Variants in ZCWPW2 observed in about 807,000 individuals in gnomAD.
The protein encoded by ZCWPW2 is zinc finger CW-type and PWWP domain containing 2, also known as zinc finger CW-type PWWP domain protein 2.
In ZCWPW2, 45 loss-of-function variants were observed where a neutral mutation model predicts 46.6. That is an observed-to-expected ratio of 0.96 (90% CI 0.76 to 1.24). The LOEUF is 1.24. Ranked by LOEUF, ZCWPW2 falls within the 50% of genes most tolerant of loss-of-function variation. The pLI, the probability that ZCWPW2 is intolerant of heterozygous loss-of-function variation, is 0.00. For missense variants in ZCWPW2, 429 were observed against 403.9 expected (o/e 1.06, Z -0.53); for synonymous variants, 152 against 137.1 (o/e 1.11, Z -0.76).
intron 1 of ZCWPW2, among the ~76,000 whole-genome samples, chr3:28,366,849 A>G (rs892387715): frequency 2.0e-5 from 3 of 152,180 alleles, no homozygotes; most frequent in Non-Finnish European, 4.4e-5. Flanking sequence ...CAGGGATTCA[A>G]CTTCTTCCTG....
chr3:28,448,050 A>G lies in ZCWPW2; in HGVS notation c.492+12781A>G. 5 of 340,172 alleles carry G rather than the reference A, an allele frequency of 1.5e-5. No homozygotes were observed. The South Asian group carries it at 2.6e-4, about 18-fold the overall frequency. The allele number at this position is 340,172 out of a possible 1,614,324, so 21.1% of individuals were successfully genotyped here. On this transcript the variant is annotated intron_variant, in intron 4 of 9. Transcript: ENST00000383768. ...AAATTGTTGTGAAATTGTTTAAGGT[A>G]CAAACACAGAGTCAGAAAGCTAAAT...
At chr3:28,391,017 A>G (rs947480689) in intron 2 of ZCWPW2, among the ~76,000 whole-genome samples, 3 of 152,214 alleles carry the variant, frequency 2.0e-5, no homozygotes, top group Admixed American at 2.0e-4. Flanking sequence ...GGCCCCAGAT[A>G]GGGATTGAAG....
At chr3:28,434,265 G>A (rs1697392621) in intron 3 of ZCWPW2, among the ~76,000 whole-genome samples, 1 of 152,018 alleles carries the variant, frequency 6.6e-6, no homozygotes, top group Non-Finnish European at 1.5e-5. Context: ...TTCCTGTTCA[G>A]ACTCCATATA....
At chr3:28,353,643 C>G (rs1179308153) in intron 1 of ZCWPW2, among the ~76,000 whole-genome samples, 2 of 152,184 alleles carry the variant, frequency 1.3e-5, no homozygotes, top group Non-Finnish European at 2.9e-5. Flanking sequence ...AAAATGTTTG[C>G]ATTCAATAGG....
At chr3:28,402,718 T>C (rs1040410130) in intron 2 of ZCWPW2, among the ~76,000 whole-genome samples, 2 of 152,216 alleles carry the variant, frequency 1.3e-5, no homozygotes, top group Non-Finnish European at 2.9e-5. Context: ...TCAAGTGGCA[T>C]ATCAGAGATG....
At chr3:28,397,753 T>A (rs2125724427) in intron 2 of ZCWPW2, among the ~76,000 whole-genome samples, 1 of 152,350 alleles carries the variant, frequency 6.6e-6, no homozygotes, top group Middle Eastern at 3.4e-3. Flanking sequence ...AACACAGACT[T>A]TTCTTACTTT....
chr3:28,471,890 C>G (rs1342856454), intron 4 of ZCWPW2, among the ~76,000 whole-genome samples: 1 of 152,054 alleles, frequency 6.6e-6, no homozygotes, highest in Non-Finnish European at 1.5e-5. Context: ...TTGTAGGATA[C>G]TAATCAACAT....
At chr3:28,468,715 G>A (rs1698922512) in intron 4 of ZCWPW2, among the ~76,000 whole-genome samples, 2 of 152,136 alleles carry the variant, frequency 1.3e-5, no homozygotes, top group African/African-American at 4.8e-5. Context: ...AGCATATCTA[G>A]CAAAAATATC....
At chr3:28,408,153 AGTTT>A (rs1456121519) in intron 2 of ZCWPW2, among the ~76,000 whole-genome samples, 2 of 152,210 alleles carry the variant, frequency 1.3e-5, no homozygotes, top group African/African-American at 2.4e-5. Flanking sequence ...TCTTAGTGTT[AGTTT>A]ATCTTCTCAG....
chr3:28,430,487 A>G (rs934313167), intron 3 of ZCWPW2, among the ~76,000 whole-genome samples: 1 of 152,164 alleles, frequency 6.6e-6, no homozygotes, highest in African/African-American at 2.4e-5. Context: ...CTCAGATGAG[A>G]CTTTGGACTT....
chr3:28,377,822 C>T (rs545281858), intron 1 of ZCWPW2, among the ~76,000 whole-genome samples: 1 of 152,102 alleles, frequency 6.6e-6, no homozygotes, highest in African/African-American at 2.4e-5. Flanking sequence ...TCAATGTAGA[C>T]CTAAAGCATA....
intron 8 of ZCWPW2, among the ~76,000 whole-genome samples, chr3:28,519,651 A>G (rs907124872): frequency 1.3e-5 from 2 of 152,164 alleles, no homozygotes; most frequent in African/African-American, 4.8e-5. Context: ...TGACTTGCCC[A>G]TGAACTGCAG....
chr3:28,452,721 G>T (rs573611573), intron 4 of ZCWPW2, among the ~76,000 whole-genome samples: 24 of 152,166 alleles, frequency 1.6e-4, no homozygotes, highest in Admixed American at 7.2e-4. Context: ...ATAAATGTTA[G>T]TTGTTAGTAT....
chr3:28,358,837 C>T lies in ZCWPW2; in HGVS notation c.-134+9634C>T, dbSNP rs556166616. ...GAGGAGGAATTTATATCTCATTTTA[C>T]CCCCCCCAACAATCCTTTTTCTGAA... On this transcript the variant is annotated intron_variant, in intron 1 of 9. Coordinates refer to ENST00000383768, the MANE Select transcript of ZCWPW2 (RefSeq NM_001040432.4). 2.4e-4 allele frequency among the ~76,000 whole-genome samples: 35 copies of T among 144,706 alleles called. No homozygotes were observed. In the South Asian group the frequency reaches 7.4e-3, roughly 31 times the overall value. The allele number at this position is 144,706 out of a possible 152,430, so 94.9% of individuals were successfully genotyped here. A position where few individuals can be genotyped will look rare whatever the true frequency, so the allele number is the denominator to read the frequency against.
intron 6 of ZCWPW2, among the ~76,000 whole-genome samples, chr3:28,501,082 A>G (rs907171790): frequency 6.6e-6 from 1 of 152,140 alleles, no homozygotes; most frequent in African/African-American, 2.4e-5. Flanking sequence ...AGAAATTTTC[A>G]ACAAGTTGAG....
chr3:28,468,577 AAACAAAT>A (rs1201718992), intron 4 of ZCWPW2, among the ~76,000 whole-genome samples: 1 of 152,194 alleles, frequency 6.6e-6, no homozygotes, highest in Non-Finnish European at 1.5e-5. Context: ...AAGAAAAAAG[AAACAAAT>A]AACAAACAAT....
At chr3:28,439,319 G>T (rs561879073) in intron 4 of ZCWPW2, among the ~76,000 whole-genome samples, 1 of 151,904 alleles carries the variant, frequency 6.6e-6, no homozygotes. Context: ...CATCCAGCAC[G>T]GGAGAAAGAT....
chr3:28,422,573 A>C (rs1158295503), intron 3 of ZCWPW2, among the ~76,000 whole-genome samples: 1 of 152,218 alleles, frequency 6.6e-6, no homozygotes, highest in Non-Finnish European at 1.5e-5. Flanking sequence ...CTACTGAATA[A>C]TAGTCCATTG....
At chr3:28,417,153 G>C (rs1405005463) in intron 3 of ZCWPW2, among the ~76,000 whole-genome samples, 2 of 149,512 alleles carry the variant, frequency 1.3e-5, no homozygotes, top group African/African-American at 4.9e-5. Context: ...CTGCTAGCAA[G>C]ACAAATAAAG....
Sources: allele counts gnomAD v4.1 joint callset (sites outside exome capture counted in the v4.1 genomes callset), GRCh38; gene constraint gnomAD v4.1.1; transcripts MANE v1.5; gene names NCBI Gene and HGNC (gene_info 2026-07-23, HGNC 2026-07-21).